The following PTPRT variants were observed in gnomAD, a reference collection of about 807,000 sequenced individuals.
PTPRT encodes protein tyrosine phosphatase receptor type T.
A neutral mutation model predicts 176.8 loss-of-function variants in PTPRT; 56 were observed. That is an observed-to-expected ratio of 0.32 (90% CI 0.26 to 0.40). PTPRT has a LOEUF of 0.40. Ranked by LOEUF, PTPRT falls within the 10% of genes least tolerant of loss-of-function variation. The pLI is 1.00. For missense variants in PTPRT, 1,540 were observed against 1,908.2 expected, an observed-to-expected ratio of 0.81 and a Z score of 3.60; for synonymous variants, 783 against 739.0, an observed-to-expected ratio of 1.06 and a Z score of -0.96.
At chr20:43,080,059 C>T (rs1568772093) in intron 1 of PTPRT, among the ~76,000 whole-genome samples, 1 of 152,120 alleles carries the variant, frequency 6.6e-6, no homozygotes, top group Non-Finnish European at 1.5e-5. Context: ...TATTTGCTGC[C>T]TCTCTCTACC....
In PTPRT at chr20:42,764,610, T is replaced by C. The variant is rs145923467; in HGVS notation, c.684+6825A>G. Among the ~76,000 whole-genome samples, 85 of 152,222 alleles carry C rather than the reference T, an allele frequency of 5.6e-4. 1 individual carries two copies. Among genetic ancestry groups the C allele is most frequent in the African/African-American group, 2.0e-3 (82 of 41,528 alleles). ...CCAGGACTGAGAGACAGGACCTATG[T>C]TTCTTCACACCATGCTTCTGCTGCT... On this transcript the variant is annotated intron_variant, in intron 5 of 30. Coordinates refer to ENST00000373187, the MANE Select transcript of PTPRT (RefSeq NM_007050.6).
rs181570309 is a variant in PTPRT, at chr20:43,083,369, T to C, written c.88+106277A>G. Among the ~76,000 whole-genome samples, 395 of 110,208 alleles carry C rather than the reference T, an allele frequency of 3.6e-3. 6 individuals carry two copies. Among genetic ancestry groups the C allele is most frequent in the African/African-American group, 0.014 (343 of 24,798 alleles). The allele number at this position is 110,208 out of a possible 152,430, so 72.3% of individuals were successfully genotyped here. Reference sequence around the variant, plus strand: ...ATATATATATATATATATATATATATACATTTTTTGAGACAGAGTCTCGCT... The same window carrying C: ...ATATATATATATATATATATATATACACATTTTTTGAGACAGAGTCTCGCT... On this transcript the variant is annotated intron_variant, in intron 1 of 30. Coordinates refer to ENST00000373187, the MANE Select transcript of PTPRT (RefSeq NM_007050.6).
rs1459114753 is a variant in PTPRT, at chr20:42,110,249, A to C, written c.3254+84T>G. On this transcript the variant is annotated intron_variant, in intron 23 of 30. Transcript: ENST00000373187. ...CTTTCTTTAGTAGAGACGAGGTTTC[A>C]CCACGTTGGCCAGGCTGGTCTCGAA... 7 of 1,311,620 alleles carry C rather than the reference A, an allele frequency of 5.3e-6. No individual in the cohort carries two copies. The African/African-American group carries it at 7.3e-5, about 14-fold the overall frequency. 81.2% of individuals were successfully genotyped at this position (1,311,620 alleles called of 1,614,324 possible). A position where few individuals can be genotyped will look rare whatever the true frequency, so the allele number is the denominator to read the frequency against.
At chr20:42,990,956 G>T (rs1392210695) in intron 1 of PTPRT, among the ~76,000 whole-genome samples, 1 of 152,166 alleles carries the variant, frequency 6.6e-6, no homozygotes, top group Non-Finnish European at 1.5e-5. Context: ...AAGGAAAGAG[G>T]TAAAGATGAC....
intron 1 of PTPRT, among the ~76,000 whole-genome samples, chr20:43,186,000 T>C (rs2015381076): frequency 6.6e-6 from 1 of 151,908 alleles, no homozygotes; most frequent in Non-Finnish European, 1.5e-5. Context: ...CTATTTAGCA[T>C]AAGACTGATG....
At chr20:42,057,427 C>T in the PTPRT span, among the ~76,000 whole-genome samples, 1 of 152,146 alleles carries the variant, frequency 6.6e-6, no homozygotes, top group Admixed American at 6.5e-5. Flanking sequence ...AGACCACATC[C>T]TGTTGGGTTT....
At chr20:42,420,660 C>T (rs1161913375) in intron 9 of PTPRT, among the ~76,000 whole-genome samples, 3 of 152,164 alleles carry the variant, frequency 2.0e-5, no homozygotes, top group Non-Finnish European at 4.4e-5. Context: ...ATGTAGTCCT[C>T]ACAGCCCCCA....
chr20:42,050,196 T>C, the PTPRT span, among the ~76,000 whole-genome samples: 2 of 152,184 alleles, frequency 1.3e-5, no homozygotes, highest in African/African-American at 4.8e-5. Context: ...ATCTCCCCTT[T>C]CGTGGTCTCC....
intron 9 of PTPRT, among the ~76,000 whole-genome samples, chr20:42,389,116 G>C (rs193128950): frequency 3.2e-4 from 46 of 141,646 alleles, no homozygotes; most frequent in Admixed American, 1.8e-3. Flanking sequence ...TCACACACTG[G>C]GGCCTGTCGT....
intron 2 of PTPRT, among the ~76,000 whole-genome samples, chr20:42,852,538 T>C (rs1297188224): frequency 1.3e-5 from 2 of 152,208 alleles, no homozygotes; most frequent in Non-Finnish European, 2.9e-5. Context: ...GCCTCCTTCA[T>C]ATATTTTTTT....
intron 1 of PTPRT, among the ~76,000 whole-genome samples, chr20:43,051,949 G>C (rs1600675988): frequency 6.6e-6 from 1 of 152,176 alleles, no homozygotes; most frequent in East Asian, 1.9e-4. Flanking sequence ...ATTTTAAAAA[G>C]CTAAACTTTT....
chr20:42,795,109 A>G (rs1327726863), intron 2 of PTPRT, among the ~76,000 whole-genome samples: 3 of 152,092 alleles, frequency 2.0e-5, no homozygotes, highest in African/African-American at 7.2e-5. Context: ...ATCAAAAATG[A>G]GCCGGTCATT....
chr20:42,826,539 A>G (rs764076759), intron 2 of PTPRT, among the ~76,000 whole-genome samples: 1 of 152,254 alleles, frequency 6.6e-6, no homozygotes, highest in Non-Finnish European at 1.5e-5. Context: ...AAGTGCAGGT[A>G]GAAAACAAAA....
chr20:42,721,097 G>A (rs1366647716), intron 6 of PTPRT, among the ~76,000 whole-genome samples: 2 of 152,166 alleles, frequency 1.3e-5, no homozygotes, highest in African/African-American at 2.4e-5. Flanking sequence ...GTCAGACCAC[G>A]GTTCAAGCAG....
chr20:42,344,849 C>T (rs549610836), intron 11 of PTPRT, among the ~76,000 whole-genome samples: 2 of 152,268 alleles, frequency 1.3e-5, no homozygotes, highest in African/African-American at 4.8e-5. Flanking sequence ...CACTGAGCTA[C>T]TTGTGGCTCC....
At chr20:42,613,699 G>C (rs1252982949) in intron 7 of PTPRT, among the ~76,000 whole-genome samples, 1 of 152,150 alleles carries the variant, frequency 6.6e-6, no homozygotes, top group Non-Finnish European at 1.5e-5. Flanking sequence ...CAGATTCTAT[G>C]AGCTACTCAC....
At chr20:42,909,401 T>C (rs1321594647) in intron 1 of PTPRT, among the ~76,000 whole-genome samples, 2 of 152,188 alleles carry the variant, frequency 1.3e-5, no homozygotes, top group African/African-American at 4.8e-5. Flanking sequence ...GGAATCATAA[T>C]AGTCTTCGCC....
At chr20:42,748,654 G>C (rs557862500) in intron 6 of PTPRT, among the ~76,000 whole-genome samples, 1 of 152,232 alleles carries the variant, frequency 6.6e-6, no homozygotes, top group African/African-American at 2.4e-5. Context: ...ACCTCCAACT[G>C]CCTCTGCCAA....
intron 7 of PTPRT, among the ~76,000 whole-genome samples, chr20:42,613,166 A>T (rs1349487623): frequency 6.6e-6 from 1 of 152,210 alleles, no homozygotes. Context: ...AACTTGGCAG[A>T]CTGCGGCCAG....
Sources: gnomAD v4.1 joint callset for allele counts (sites outside exome capture counted in the v4.1 genomes callset) on GRCh38, gnomAD v4.1.1 for gene constraint, MANE v1.5 for transcripts, NCBI Gene and HGNC (gene_info 2026-07-23, HGNC 2026-07-21) for gene names.